The following MAML2 variants were observed in gnomAD, a reference collection of about 807,000 sequenced individuals.
MAML2 encodes the protein mastermind-like protein 2.
MAML2 carries 22 observed loss-of-function variants against 96.1 expected under a neutral mutation model. The ratio of observed to expected loss-of-function variants is 0.23; its 90% CI spans 0.16 to 0.33. The LOEUF is 0.33. MAML2 is among the 10% of genes least tolerant of loss of function. The pLI is 1.00. For missense variants in MAML2, 1,367 were observed against 1,392.4 expected, an observed-to-expected ratio of 0.98 and a Z score of 0.29; for synonymous variants, 561 against 521.3, an observed-to-expected ratio of 1.08 and a Z score of -1.04.
At chr11:96,272,407 C>T (rs570093807) in intron 1 of MAML2, among the ~76,000 whole-genome samples, 1 of 152,304 alleles carries the variant, frequency 6.6e-6, no homozygotes, top group African/African-American at 2.4e-5. Context: ...CAAGAGGCAT[C>T]CACCTTATCA....
chr11:96,146,376 T>C (rs1266203173), intron 1 of MAML2, among the ~76,000 whole-genome samples: 1 of 152,198 alleles, frequency 6.6e-6, no homozygotes, highest in Admixed American at 6.5e-5. Flanking sequence ...TACTTGCTCA[T>C]AGTTGAAATG....
chr11:96,218,229 G>A (rs1862078360), intron 1 of MAML2, among the ~76,000 whole-genome samples: 2 of 152,238 alleles, frequency 1.3e-5, no homozygotes, highest in South Asian at 4.1e-4. Context: ...TAACGCAGCT[G>A]TAACCCTGGC....
intron 1 of MAML2, among the ~76,000 whole-genome samples, chr11:96,184,700 C>T (rs1439453255): frequency 1.3e-5 from 2 of 151,424 alleles, no homozygotes. Context: ...CGCCATTCTC[C>T]TGCCTCAGCC....
At chr11:96,215,130 T>C (rs1565251364) in intron 1 of MAML2, among the ~76,000 whole-genome samples, 1 of 152,216 alleles carries the variant, frequency 6.6e-6, no homozygotes, top group Non-Finnish European at 1.5e-5. Context: ...CATGAAATCA[T>C]GAGTCATTTG....
chr11:96,051,576 C>A (rs1464982107), intron 2 of MAML2, among the ~76,000 whole-genome samples: 1 of 152,094 alleles, frequency 6.6e-6, no homozygotes, highest in Non-Finnish European at 1.5e-5. Context: ...AGATCTCATG[C>A]CCTCAACTAG....
At chr11:96,066,162 C>T (rs1282540524) in intron 2 of MAML2, among the ~76,000 whole-genome samples, 1 of 152,194 alleles carries the variant, frequency 6.6e-6, no homozygotes, top group Non-Finnish European at 1.5e-5. Context: ...TCTTGTTTTC[C>T]TTAAGCCCAA....
chr11:96,194,703 A>C (rs1284252947), intron 1 of MAML2, among the ~76,000 whole-genome samples: 1 of 152,180 alleles, frequency 6.6e-6, no homozygotes, highest in Non-Finnish European at 1.5e-5. Context: ...TAAATACAAA[A>C]TTCCTTGGGG....
chr11:96,321,862 C>T (rs896741456), intron 1 of MAML2, among the ~76,000 whole-genome samples: 4 of 152,108 alleles, frequency 2.6e-5, no homozygotes, highest in Admixed American at 1.3e-4. Context: ...TATGACTGGA[C>T]CATCAAACAA....
chr11:96,187,510 G>A (rs1274055556), intron 1 of MAML2, among the ~76,000 whole-genome samples: 1 of 152,158 alleles, frequency 6.6e-6, no homozygotes. Context: ...TCCAAAGTGA[G>A]TAAGAAGTTT....
chr11:95,990,254 G>T (rs1475108058), intron 3 of MAML2, among the ~76,000 whole-genome samples: 4 of 151,786 alleles, frequency 2.6e-5, no homozygotes, highest in African/African-American at 9.7e-5. Flanking sequence ...ACTTCCCCTT[G>T]TGTTAAATCC....
At chr11:96,127,781 C>G (rs1219898273) in intron 1 of MAML2, among the ~76,000 whole-genome samples, 1 of 152,178 alleles carries the variant, frequency 6.6e-6, no homozygotes, top group Admixed American at 6.6e-5. Context: ...AAAAATGAAG[C>G]AAACCTTTGT....
At chr11:96,102,287 A>G (rs1859948202) in intron 1 of MAML2, among the ~76,000 whole-genome samples, 1 of 152,242 alleles carries the variant, frequency 6.6e-6, no homozygotes, top group Non-Finnish European at 1.5e-5. Flanking sequence ...AAACAAAAAC[A>G]AAAACAACAA....
chr11:96,034,432 T>TGTGTGTGTGAGAGAGA (rs549312275), intron 2 of MAML2, among the ~76,000 whole-genome samples: 35 of 135,744 alleles, frequency 2.6e-4, no homozygotes, highest in African/African-American at 7.7e-4. Flanking sequence ...TGTGTGTGTG[T>TGTGTGTGTGAGAGAGA]GAGAGAGAGA....
At chr11:96,207,895 A>T (rs502802) in intron 1 of MAML2, among the ~76,000 whole-genome samples, 1 of 152,182 alleles carries the variant, frequency 6.6e-6, no homozygotes, top group Non-Finnish European at 1.5e-5. Context: ...CAGAGCCAAC[A>T]AAGAACTTTT....
At chr11:96,045,317 T>A (rs1197402806) in intron 2 of MAML2, among the ~76,000 whole-genome samples, 1 of 152,188 alleles carries the variant, frequency 6.6e-6, no homozygotes, top group Admixed American at 6.5e-5. Flanking sequence ...TATTACGGAA[T>A]CAGAAAAGAA....
intron 1 of MAML2, among the ~76,000 whole-genome samples, chr11:96,172,121 T>C (rs1861306702): frequency 6.6e-6 from 1 of 152,254 alleles, no homozygotes; most frequent in Non-Finnish European, 1.5e-5. Flanking sequence ...TTTGTACACT[T>C]ATGTATCCAA....
intron 1 of MAML2, among the ~76,000 whole-genome samples, chr11:96,312,128 A>G (rs2136004928): frequency 6.8e-6 from 1 of 146,260 alleles, no homozygotes; most frequent in Non-Finnish European, 1.5e-5. Context: ...CTGAAGTGGG[A>G]GAATCATTTG....
intron 1 of MAML2, among the ~76,000 whole-genome samples, chr11:96,133,821 C>G (rs1234800609): frequency 1.3e-5 from 2 of 152,076 alleles, no homozygotes; most frequent in Admixed American, 1.3e-4. Context: ...TGGTGAAACC[C>G]TGTCTCTACA....
chr11:96,094,781 T>C (rs911670489), intron 1 of MAML2, among the ~76,000 whole-genome samples: 2 of 152,192 alleles, frequency 1.3e-5, no homozygotes, highest in African/African-American at 4.8e-5. Context: ...TTATTCAATG[T>C]TTTCTCAGCA....
Sources: allele counts gnomAD v4.1 joint callset (sites outside exome capture counted in the v4.1 genomes callset), GRCh38; gene constraint gnomAD v4.1.1; transcripts MANE v1.5; gene names NCBI Gene and HGNC (gene_info 2026-07-23, HGNC 2026-07-21).